The following EFNA5 variants were observed in gnomAD, a reference collection of about 807,000 sequenced individuals.
The protein encoded by EFNA5 is ephrin A5.
Under a neutral mutation model 22.9 loss-of-function variants are expected in EFNA5, and 5 were observed. The ratio of observed to expected loss-of-function variants is 0.22; its 90% confidence interval spans 0.11 to 0.46. The LOEUF (loss-of-function observed/expected upper bound fraction) is 0.46, where lower values mean the gene tolerates loss of function less well. Ranked by LOEUF, EFNA5 falls within the 20% of genes least tolerant of loss-of-function variation. The probability of loss-of-function intolerance (pLI) is 0.99; values close to 1 mark genes in which losing one functional copy is unlikely to be tolerated. For missense variants in EFNA5, 237 were observed against 293.3 expected (o/e 0.81, Z 1.40); for synonymous variants, 113 against 112.2 (o/e 1.01, Z -0.04).
chr5:107,504,102 G>C (rs25977), intron 1 of EFNA5, among the ~76,000 whole-genome samples: 1 of 151,758 alleles, frequency 6.6e-6, no homozygotes, highest in Non-Finnish European at 1.5e-5. Context: ...TATTTTCTTC[G>C]AGCATTTTGT....
chr5:107,572,749 G>A (rs865957632), intron 1 of EFNA5, among the ~76,000 whole-genome samples: 19 of 152,120 alleles, frequency 1.2e-4, no homozygotes, highest in African/African-American at 4.6e-4. Flanking sequence ...GTCTTCACAC[G>A]GACATTTTCA....
chr5:107,542,975 A>AAAAT (rs563788172), intron 1 of EFNA5, among the ~76,000 whole-genome samples: 36 of 152,248 alleles, frequency 2.4e-4, no homozygotes, highest in South Asian at 1.7e-3. Context: ...TGTTATATTA[A>AAAAT]AAATAAATAA....
intron 1 of EFNA5, among the ~76,000 whole-genome samples, chr5:107,534,619 CT>C (rs1222689135): frequency 2.0e-5 from 3 of 152,120 alleles, no homozygotes; most frequent in Admixed American, 1.3e-4. Context: ...CATATTATGT[CT>C]GCTTTGTGAT....
chr5:107,573,880 T>C (rs572538287), intron 1 of EFNA5, among the ~76,000 whole-genome samples: 49 of 152,232 alleles, frequency 3.2e-4, no homozygotes, highest in Non-Finnish European at 6.6e-4. Context: ...ATTTGCAATC[T>C]GTTTGGCCCT....
At chr5:107,495,839 G>A (rs189730042) in intron 1 of EFNA5, among the ~76,000 whole-genome samples, 3 of 152,258 alleles carry the variant, frequency 2.0e-5, no homozygotes, top group Non-Finnish European at 4.4e-5. Context: ...CCGGGTTGCT[G>A]GGTTCAGTTT....
At chr5:107,541,546 A>G (rs1027817141) in intron 1 of EFNA5, among the ~76,000 whole-genome samples, 2 of 152,244 alleles carry the variant, frequency 1.3e-5, no homozygotes, top group African/African-American at 4.8e-5. Context: ...CTCTAGTATA[A>G]CATTGACCTG....
intron 1 of EFNA5, among the ~76,000 whole-genome samples, chr5:107,644,527 G>A (rs1187993064): frequency 2.0e-5 from 3 of 152,034 alleles, no homozygotes; most frequent in Admixed American, 2.0e-4. Context: ...ATTTTTTGCT[G>A]TAACAAGCAG....
At chr5:107,640,375 C>T (rs1750475613) in intron 1 of EFNA5, among the ~76,000 whole-genome samples, 1 of 152,108 alleles carries the variant, frequency 6.6e-6, no homozygotes, top group Admixed American at 6.6e-5. Flanking sequence ...AATAGCTAAG[C>T]ATATGAGAAA....
intron 1 of EFNA5, among the ~76,000 whole-genome samples, chr5:107,439,447 T>C (rs533185422): frequency 1.3e-5 from 2 of 152,166 alleles, no homozygotes; most frequent in East Asian, 1.9e-4. Flanking sequence ...CAGTGGGGGA[T>C]AGGGTGGTTT....
At chr5:107,455,792 T>C (rs188028055) in intron 1 of EFNA5, among the ~76,000 whole-genome samples, 33 of 152,324 alleles carry the variant, frequency 2.2e-4, no homozygotes, top group African/African-American at 7.7e-4. Context: ...TGGATAATTC[T>C]TTCCACTTTA....
At chr5:107,405,576 C>T (rs1349825973) in intron 2 of EFNA5, among the ~76,000 whole-genome samples, 2 of 152,056 alleles carry the variant, frequency 1.3e-5, no homozygotes, top group East Asian at 1.9e-4. Flanking sequence ...CATCTGTTTG[C>T]CAAAAATTAC....
rs779730407 is a variant in EFNA5 at position 107,512,834 on chromosome 5, G to A, written c.126-85325C>T. 7.9e-5 allele frequency among the ~76,000 whole-genome samples: 12 copies of A among 152,182 alleles called. No homozygotes were observed. In the South Asian group the frequency reaches 8.3e-4, roughly 11 times the overall value. ...ACCATGGGTTGCTTACCAAGAAAAC[G>A]TAATAAAAATAATTGGGGAGCTCTT... On this transcript the variant is annotated intron_variant, in intron 1 of 4. Transcript: ENST00000333274.
intron 1 of EFNA5, among the ~76,000 whole-genome samples, chr5:107,500,348 T>A (rs941953498): frequency 1.3e-5 from 2 of 152,192 alleles, no homozygotes; most frequent in Non-Finnish European, 2.9e-5. Context: ...CTAAAGAAAG[T>A]ATTTGTAGCT....
At position 107,537,717 on chromosome 5, in the gene EFNA5, C is replaced by CT. The variant is rs201293321; in HGVS notation, c.126-110209dup. 5.6e-4 allele frequency among the ~76,000 whole-genome samples: 85 copies of CT among 152,246 alleles called. 1 individual carries two copies. The highest frequency in any genetic ancestry group is 2.0e-3 in the African/African-American group (81 of 41,538). Reference sequence around the variant, plus strand: ...AAGTAAGGTTCAAAAAGGTAGAGTGCTTTTTTTAGCTCACACAGTTATTAG... The same window carrying CT: ...AAGTAAGGTTCAAAAAGGTAGAGTGCTTTTTTTTAGCTCACACAGTTATTAG... On this transcript the variant is annotated intron_variant, in intron 1 of 4. Transcript: ENST00000333274.
chr5:107,547,701 TA>T (rs11295377), intron 1 of EFNA5, among the ~76,000 whole-genome samples: 91,712 of 151,478 alleles, frequency 0.61, 28,005 homozygotes, highest in African/African-American at 0.7. Flanking sequence ...TTTTTAACCA[TA>T]AAAAAAAAGC....
rs34075560 is a variant in EFNA5, at chr5:107,482,795, G to GCTCT, written c.126-55290_126-55287dup. Among the ~76,000 whole-genome samples, 582 of 130,032 alleles carry GCTCT rather than the reference G, an allele frequency of 4.5e-3. 9 individuals carry two copies. Among genetic ancestry groups the GCTCT allele is most frequent in the African/African-American group, 0.017 (557 of 32,910 alleles). 85.3% of individuals were successfully genotyped at this position (130,032 alleles called of 152,430 possible). On this transcript the variant is annotated intron_variant, in intron 1 of 4. Transcript: ENST00000333274. ...CTCTGTAACCTCTTTCTTTTTGGCT[G>GCTCT]CTCTCTCTCTCTCTCTCTGTCTCTC...
At chr5:107,525,425 T>C (rs1171221768) in intron 1 of EFNA5, among the ~76,000 whole-genome samples, 2 of 152,192 alleles carry the variant, frequency 1.3e-5, no homozygotes, top group Non-Finnish European at 2.9e-5. Flanking sequence ...CACCTTACAT[T>C]TGACCAACCT....
rs543470741 is a variant in EFNA5 at position 107,617,672 on chromosome 5, A to G, written c.125+52817T>C. On this transcript the variant is annotated intron_variant, in intron 1 of 4. Transcript: ENST00000333274. ...GGAAGAATTAATAACTATTAATAAT[A>G]TAAGTACTATTCTTCTTTTCTACCT... is the stretch of plus-strand genomic sequence containing the variant. 3.3e-4 allele frequency among the ~76,000 whole-genome samples: 50 copies of G among 152,346 alleles called. 1 individual carries two copies. Among genetic ancestry groups the G allele is most frequent in the African/African-American group, 1.0e-3 (43 of 41,578 alleles).
rs151174882 is a variant in EFNA5, at chr5:107,422,441, C to G, written c.418+4776G>C. Among the ~76,000 whole-genome samples, 59 of 152,316 alleles carry G rather than the reference C, an allele frequency of 3.9e-4. 1 individual carries two copies. Among genetic ancestry groups the G allele is most frequent in the African/African-American group, 1.4e-3 (58 of 41,566 alleles). On this transcript the variant is annotated intron_variant, in intron 2 of 4. Coordinates refer to ENST00000333274, the MANE Select transcript of EFNA5 (RefSeq NM_001962.3). ...GTAAAAGTATAGAGAATGCAGAGAA[C>G]AAGGTGTTATTTTTATATAGAGAGG... is the stretch of plus-strand genomic sequence containing the variant.
Sources: allele counts gnomAD v4.1 joint callset (sites outside exome capture counted in the v4.1 genomes callset), GRCh38; gene constraint gnomAD v4.1.1; transcripts MANE v1.5; gene names NCBI Gene and HGNC (gene_info 2026-07-23, HGNC 2026-07-21).